SHISA6: variants seen among roughly 807,000 people sequenced by gnomAD.
SHISA6 encodes the protein protein shisa-6.
A neutral mutation model predicts 47.9 loss-of-function variants in SHISA6; 22 were observed. The observed-to-expected ratio is 0.46, with a 90% confidence interval of 0.33 to 0.66. The LOEUF (loss-of-function observed/expected upper bound fraction) is 0.66. SHISA6 is among the 30% of genes least tolerant of loss of function. The pLI, the probability that SHISA6 is intolerant of heterozygous loss-of-function variation, is 0.02. For synonymous variants in SHISA6, 388 were observed against 337.8 expected (o/e 1.15, Z -1.63); for missense variants, 680 against 764.6 (o/e 0.89, Z 1.30).
intron 2 of SHISA6, among the ~76,000 whole-genome samples, chr17:11,278,991 A>G (rs1909029071): frequency 6.6e-6 from 1 of 152,300 alleles, no homozygotes; most frequent in African/African-American, 2.4e-5. Context: ...AGAGTGAGCC[A>G]CAGAGAAGCA....
intron 2 of SHISA6, among the ~76,000 whole-genome samples, chr17:11,361,354 A>C (rs528208723): frequency 1.3e-5 from 2 of 152,348 alleles, no homozygotes; most frequent in Admixed American, 6.5e-5. Context: ...TTTTTAAATA[A>C]AAATAAATTG....
At chr17:11,318,085 C>T (rs1450403390) in intron 2 of SHISA6, among the ~76,000 whole-genome samples, 2 of 151,600 alleles carry the variant, frequency 1.3e-5, no homozygotes, top group African/African-American at 4.9e-5. Context: ...TTCTGAAAGA[C>T]AAAAAGACAA....
intron 3 of SHISA6, among the ~76,000 whole-genome samples, chr17:11,438,695 G>C (rs768992655): frequency 1.3e-5 from 2 of 152,142 alleles, no homozygotes; most frequent in African/African-American, 4.8e-5. Context: ...GGGAGTTAGG[G>C]TTTCAACACG....
At chr17:11,382,907 G>A (rs1913061390) in intron 3 of SHISA6, among the ~76,000 whole-genome samples, 1 of 140,276 alleles carries the variant, frequency 7.1e-6, no homozygotes, top group East Asian at 2.2e-4. Flanking sequence ...TGGAATCTTA[G>A]TCGACATCAG....
At chr17:11,390,954 C>T (rs968737629) in intron 3 of SHISA6, among the ~76,000 whole-genome samples, 1 of 152,148 alleles carries the variant, frequency 6.6e-6, no homozygotes, top group Non-Finnish European at 1.5e-5. Context: ...AAGTAGATAC[C>T]ATGAACAGTG....
chr17:11,541,635 T>A (rs376764634), intron 3 of SHISA6, among the ~76,000 whole-genome samples: 66 of 152,334 alleles, frequency 4.3e-4, no homozygotes, highest in African/African-American at 1.5e-3. Context: ...TTAATATGTA[T>A]GAATGAGTCT....
chr17:11,383,343 ATGGATC>A (rs1555531840), intron 3 of SHISA6, among the ~76,000 whole-genome samples: 1 of 152,162 alleles, frequency 6.6e-6, no homozygotes, highest in Non-Finnish European at 1.5e-5. Context: ...AAGAATGCAT[ATGGATC>A]TGTCTGCTTT....
Position 11,383,927 on chromosome 17 carries a change from A to G in SHISA6, c.895+4418A>G, listed in dbSNP as rs577803747. On this transcript the variant is annotated intron_variant, in intron 3 of 5. Coordinates refer to ENST00000441885, the MANE Select transcript of SHISA6 (RefSeq NM_207386.4). ...CCCAGAATGGTCTTTAGCAAGGCAA[A>G]GAGTCCTCCCAGGCTGCCACCATGA... Among the ~76,000 whole-genome samples the G allele has an allele frequency of 2.6e-5, 4 of 152,306 alleles. No individual in the cohort carries two copies. The South Asian group carries it at 6.2e-4, about 24-fold the overall frequency.
intron 3 of SHISA6, among the ~76,000 whole-genome samples, chr17:11,512,678 C>CTA (rs2142355972): frequency 6.6e-6 from 1 of 152,022 alleles, no homozygotes; most frequent in East Asian, 1.9e-4. Flanking sequence ...GTCAATAATC[C>CTA]TATCACTCAA....
intron 3 of SHISA6, among the ~76,000 whole-genome samples, chr17:11,477,375 T>TG (rs1414103144): frequency 1.3e-5 from 2 of 152,178 alleles, no homozygotes; most frequent in African/African-American, 4.8e-5. Context: ...AATTGAACAT[T>TG]TTACATGATT....
intron 3 of SHISA6, among the ~76,000 whole-genome samples, chr17:11,399,525 G>T (rs1312270998): frequency 6.6e-6 from 1 of 152,152 alleles, no homozygotes; most frequent in Non-Finnish European, 1.5e-5. Flanking sequence ...GGGTTCAAAC[G>T]ATTCTCCTGC....
chr17:11,427,400 T>C (rs943240257), intron 3 of SHISA6, among the ~76,000 whole-genome samples: 1 of 152,196 alleles, frequency 6.6e-6, no homozygotes, highest in Non-Finnish European at 1.5e-5. Context: ...CCCAAAGTGC[T>C]GGGATTACAG....
intron 3 of SHISA6, among the ~76,000 whole-genome samples, chr17:11,501,591 T>C (rs1370763986): frequency 6.6e-6 from 1 of 152,056 alleles, no homozygotes; most frequent in African/African-American, 2.4e-5. Context: ...GGGCAGGCAG[T>C]TGGGCCTCCA....
At chr17:11,484,272 T>C (rs1281200093) in intron 3 of SHISA6, among the ~76,000 whole-genome samples, 2 of 152,162 alleles carry the variant, frequency 1.3e-5, no homozygotes, top group African/African-American at 4.8e-5. Flanking sequence ...AAATTGTGGC[T>C]TAAATAAATA....
intron 2 of SHISA6, among the ~76,000 whole-genome samples, chr17:11,324,319 A>G (rs1910805054): frequency 6.6e-6 from 1 of 152,164 alleles, no homozygotes; most frequent in Admixed American, 6.5e-5. Flanking sequence ...TTAGAAGGAA[A>G]ATTATCTGTG....
At chr17:11,548,532 T>C (rs1282206513) in intron 3 of SHISA6, among the ~76,000 whole-genome samples, 1 of 151,978 alleles carries the variant, frequency 6.6e-6, no homozygotes, top group East Asian at 1.9e-4. Context: ...AAGATATTTC[T>C]CAGTAATAGA....
At chr17:11,501,375 G>A (rs1488959703) in intron 3 of SHISA6, among the ~76,000 whole-genome samples, 13 of 152,168 alleles carry the variant, frequency 8.5e-5, no homozygotes. Flanking sequence ...GCCTCCCAAA[G>A]TGCTGGGATT....
intron 3 of SHISA6, among the ~76,000 whole-genome samples, chr17:11,395,723 G>A (rs879806368): frequency 9.2e-5 from 14 of 151,746 alleles, no homozygotes; most frequent in Admixed American, 8.5e-4. Flanking sequence ...TCACCATGTT[G>A]GCCACGCTGG....
intron 3 of SHISA6, among the ~76,000 whole-genome samples, chr17:11,489,343 A>T (rs545910485): frequency 4.6e-5 from 7 of 151,858 alleles, no homozygotes; most frequent in Non-Finnish European, 1.0e-4. Flanking sequence ...AAATCTCCCA[A>T]TCTAGTCCAC....
Sources: allele counts gnomAD v4.1 joint callset (sites outside exome capture counted in the v4.1 genomes callset), GRCh38; gene constraint gnomAD v4.1.1; transcripts MANE v1.5; gene names NCBI Gene and HGNC (gene_info 2026-07-23, HGNC 2026-07-21).